The following DAB1 variants were observed in gnomAD, a reference collection of about 807,000 sequenced individuals.
The protein encoded by DAB1 is DAB adaptor protein 1, also known as disabled homolog 1.
DAB1 carries 15 observed loss-of-function variants against 64.6 expected under a neutral mutation model. That is an observed-to-expected ratio of 0.23 (90% CI 0.16 to 0.36). The LOEUF is 0.36. Ranked by LOEUF, DAB1 falls within the 10% of genes least tolerant of loss-of-function variation. The pLI, the probability that DAB1 is intolerant of heterozygous loss-of-function variation, is 1.00. For missense variants in DAB1, 596 were observed against 706.7 expected (o/e 0.84, Z 1.78); for synonymous variants, 235 against 251.9 (o/e 0.93, Z 0.64).
chr1:57,322,444 T>G (rs1314252689), intron 1 of DAB1, among the ~76,000 whole-genome samples: 1 of 152,048 alleles, frequency 6.6e-6, no homozygotes, highest in Non-Finnish European at 1.5e-5. Context: ...GCCAACACAC[T>G]CCATTCCCAT....
intron 7 of DAB1, among the ~76,000 whole-genome samples, chr1:57,452,602 G>C (rs1257846543): frequency 2.6e-5 from 4 of 152,154 alleles, no homozygotes; most frequent in African/African-American, 9.7e-5. Context: ...GCTGGTGATG[G>C]TGGTGGGGGG....
intron 5 of DAB1, among the ~76,000 whole-genome samples, chr1:58,113,474 A>C (rs1652108235): frequency 6.6e-6 from 1 of 152,018 alleles, no homozygotes; most frequent in African/African-American, 2.4e-5. Context: ...TGCATCTTCC[A>C]CTCTGCCATC....
chr1:57,656,393 A>T (rs1227293950), intron 6 of DAB1, among the ~76,000 whole-genome samples: 1 of 152,224 alleles, frequency 6.6e-6, no homozygotes, highest in Non-Finnish European at 1.5e-5. Flanking sequence ...TTGGCAACAC[A>T]TATACTAAAA....
chr1:58,323,670 C>T (rs768171283), intron 4 of DAB1, among the ~76,000 whole-genome samples: 60 of 152,044 alleles, frequency 3.9e-4, no homozygotes, highest in Non-Finnish European at 7.2e-4. Context: ...AAGACTTAGC[C>T]GCACTTTGGG....
At chr1:58,264,054 C>T (rs1661106687) in intron 4 of DAB1, among the ~76,000 whole-genome samples, 1 of 152,198 alleles carries the variant, frequency 6.6e-6, no homozygotes, top group South Asian at 2.1e-4. Context: ...GAAACTCAAG[C>T]TCTACAGTCT....
intron 6 of DAB1, among the ~76,000 whole-genome samples, chr1:57,793,028 T>C (rs537170116): frequency 7.4e-4 from 112 of 152,282 alleles, no homozygotes; most frequent in Non-Finnish European, 1.4e-3. Context: ...AGGCTCCAAG[T>C]GGGGAAAAGT....
chr1:57,984,208 G>T (rs865820798), intron 5 of DAB1, among the ~76,000 whole-genome samples: 1 of 131,786 alleles, frequency 7.6e-6, no homozygotes, highest in African/African-American at 2.9e-5. Flanking sequence ...AAGAAAGAAA[G>T]AAAGAAAGAA....
At chr1:58,512,226 T>C (rs138305177) in intron 2 of DAB1, among the ~76,000 whole-genome samples, 10 of 152,148 alleles carry the variant, frequency 6.6e-5, no homozygotes, top group Non-Finnish European at 1.3e-4. Flanking sequence ...TGTTAGGTTA[T>C]CTATCATTGA....
At chr1:57,305,626 C>T (rs987569774) in intron 1 of DAB1, among the ~76,000 whole-genome samples, 4 of 152,152 alleles carry the variant, frequency 2.6e-5, no homozygotes, top group African/African-American at 7.2e-5. Flanking sequence ...GAACTGCATG[C>T]TTCTATGTCT....
rs554038721 is a variant in DAB1 at position 58,516,926 on chromosome 1, C to T, written n.107+10335G>A. Among the ~76,000 whole-genome samples the T allele has an allele frequency of 3.3e-5, 5 of 152,188 alleles. No individual in the cohort carries two copies. The South Asian group carries it at 1.0e-3, about 32-fold the overall frequency. ...TAGGCATGCTACAGAGGAAGCCAGG[C>T]TGTAATCAGAAGGTTGCCTAGGAAG... is the stretch of plus-strand genomic sequence containing the variant. On this transcript the variant is annotated intron_variant and non_coding_transcript_variant, in intron 2 of 20. Coordinates refer to the DAB1 transcript ENST00000485760.
chr1:57,691,467 C>T (rs1478137067), intron 6 of DAB1, among the ~76,000 whole-genome samples: 1 of 152,110 alleles, frequency 6.6e-6, no homozygotes, highest in Non-Finnish European at 1.5e-5. Context: ...CGGCAACCTG[C>T]TAAGGTCCCC....
intron 7 of DAB1, among the ~76,000 whole-genome samples, chr1:57,552,776 T>C (rs1031186616): frequency 2.0e-5 from 3 of 152,156 alleles, no homozygotes; most frequent in African/African-American, 7.2e-5. Context: ...TTTAGGATTC[T>C]ACACAGGGAA....
chr1:57,928,895 A>G (rs1644916783), intron 5 of DAB1, among the ~76,000 whole-genome samples: 1 of 152,228 alleles, frequency 6.6e-6, no homozygotes, highest in Non-Finnish European at 1.5e-5. Context: ...AGCTGCTATA[A>G]GCATCCATGT....
At chr1:58,194,462 T>G (rs1657559762) in intron 4 of DAB1, among the ~76,000 whole-genome samples, 1 of 152,256 alleles carries the variant, frequency 6.6e-6, no homozygotes, top group South Asian at 2.1e-4. Flanking sequence ...TCCTCAATTT[T>G]TAAAACTTAT....
intron 4 of DAB1, among the ~76,000 whole-genome samples, chr1:58,200,820 T>A (rs1657955962): frequency 6.6e-6 from 1 of 152,190 alleles, no homozygotes; most frequent in Non-Finnish European, 1.5e-5. Flanking sequence ...CCTACTGACA[T>A]GTGCAACCAA....
At chr1:57,613,891 C>CCTTTGTT (rs1293143763) in intron 7 of DAB1, among the ~76,000 whole-genome samples, 2 of 152,118 alleles carry the variant, frequency 1.3e-5, no homozygotes, top group East Asian at 3.9e-4. Flanking sequence ...TCAAAGTACT[C>CCTTTGTT]CTTTGTTCTT....
intron 2 of DAB1, among the ~76,000 whole-genome samples, chr1:57,233,357 G>A (rs1667843821): frequency 7.4e-6 from 1 of 134,830 alleles, no homozygotes; most frequent in African/African-American, 2.7e-5. Context: ...CCGCCTCCCG[G>A]GTTCACGCCA....
chr1:57,734,773 C>G (rs547317146), intron 6 of DAB1, among the ~76,000 whole-genome samples: 1 of 152,130 alleles, frequency 6.6e-6, no homozygotes, highest in Non-Finnish European at 1.5e-5. Flanking sequence ...GAAAAGTAGT[C>G]AAATTATTGC....
intron 1 of DAB1, among the ~76,000 whole-genome samples, chr1:57,394,027 C>T (rs1682608904): frequency 2.0e-5 from 3 of 152,168 alleles, no homozygotes; most frequent in Admixed American, 1.3e-4. Context: ...GCTTTGGTCA[C>T]TAGACTAGTA....
Sources: allele counts gnomAD v4.1 joint callset (sites outside exome capture counted in the v4.1 genomes callset), GRCh38; gene constraint gnomAD v4.1.1; transcripts MANE v1.5; gene names NCBI Gene and HGNC (gene_info 2026-07-23, HGNC 2026-07-21).